The following NRXN1 variants were observed in gnomAD, a reference collection of about 807,000 sequenced individuals.
NRXN1 encodes neurexin-1.
In NRXN1, 39 loss-of-function variants were observed where a neutral mutation model predicts 150.9. That is an observed-to-expected ratio of 0.26 (90% CI 0.20 to 0.34). NRXN1 has a LOEUF of 0.34. Among genes scored for constraint, NRXN1 ranks in the 10% least tolerant of loss-of-function variants. The pLI is 1.00. For synonymous variants in NRXN1, 924 were observed against 757.0 expected (o/e 1.22, Z -3.62); for missense variants, 1,815 against 1,949.9 (o/e 0.93, Z 1.30).
At chr2:50,183,563 G>T (rs1370975559) in intron 18 of NRXN1, among the ~76,000 whole-genome samples, 1 of 151,364 alleles carries the variant, frequency 6.6e-6, no homozygotes, top group Non-Finnish European at 1.5e-5. Flanking sequence ...GGATTTTGTT[G>T]TTCTTGCTGA....
intron 5 of NRXN1, among the ~76,000 whole-genome samples, chr2:50,827,649 A>G (rs1440816448): frequency 6.6e-6 from 1 of 152,090 alleles, no homozygotes; most frequent in African/African-American, 2.4e-5. Flanking sequence ...GATGTTTCTC[A>G]CAGAGGGGGA....
At chr2:50,954,371 T>C (rs749915690) in intron 2 of NRXN1, among the ~76,000 whole-genome samples, 3 of 152,202 alleles carry the variant, frequency 2.0e-5, no homozygotes, top group Non-Finnish European at 4.4e-5. Flanking sequence ...GCTCTCTACA[T>C]ATTGCTGTCA....
intron 2 of NRXN1, among the ~76,000 whole-genome samples, chr2:51,021,337 G>A (rs567102881): frequency 2.8e-4 from 42 of 152,038 alleles, no homozygotes; most frequent in African/African-American, 9.6e-4. Context: ...TCTGCAACCA[G>A]TGTAGCTGAG....
intron 5 of NRXN1, among the ~76,000 whole-genome samples, chr2:50,798,908 T>C (rs577312613): frequency 6.6e-6 from 1 of 152,166 alleles, no homozygotes; most frequent in Non-Finnish European, 1.5e-5. Flanking sequence ...ACTTGAGTTA[T>C]TGGCAGCAAT....
intron 21 of NRXN1, among the ~76,000 whole-genome samples, chr2:50,005,368 T>G (rs556940965): frequency 1.3e-5 from 2 of 152,272 alleles, no homozygotes; most frequent in East Asian, 3.9e-4. Context: ...TGATTCTTAT[T>G]ACTTGAGAGG....
intron 8 of NRXN1, among the ~76,000 whole-genome samples, chr2:50,591,104 G>A (rs770118027): frequency 2.6e-5 from 4 of 152,104 alleles, no homozygotes; most frequent in Non-Finnish European, 5.9e-5. Flanking sequence ...CACTCCAGGG[G>A]TTCAACTAAC....
chr2:50,627,611 CACAG>C (rs1681386604), intron 5 of NRXN1, among the ~76,000 whole-genome samples: 1 of 98,078 alleles, frequency 1.0e-5, no homozygotes, highest in African/African-American at 4.2e-5. Flanking sequence ...TTTTGTCAGA[CACAG>C]ACACACACAC....
chr2:50,156,192 AAC>A (rs1457935900), intron 18 of NRXN1, among the ~76,000 whole-genome samples: 1 of 151,882 alleles, frequency 6.6e-6, no homozygotes, highest in Non-Finnish European at 1.5e-5. Context: ...TAAAAAAATT[AAC>A]AGTCATATAA....
At chr2:50,645,380 A>T (rs1362052468) in intron 5 of NRXN1, among the ~76,000 whole-genome samples, 1 of 151,974 alleles carries the variant, frequency 6.6e-6, no homozygotes, top group African/African-American at 2.4e-5. Context: ...TATAAATAAG[A>T]ATGCTACCTC....
intron 17 of NRXN1, among the ~76,000 whole-genome samples, chr2:50,418,197 G>A (rs2083695849): frequency 6.6e-6 from 1 of 151,954 alleles, no homozygotes; most frequent in African/African-American, 2.4e-5. Context: ...TTCCTTCTTG[G>A]TTCACTGAGC....
chr2:50,842,774 T>TA (rs779292693), intron 5 of NRXN1, among the ~76,000 whole-genome samples: 17 of 152,282 alleles, frequency 1.1e-4, no homozygotes, highest in Non-Finnish European at 1.8e-4. Context: ...ACATTGGTAT[T>TA]AGCAAGACCA....
intron 12 of NRXN1, among the ~76,000 whole-genome samples, chr2:50,508,842 G>C (rs1388727810): frequency 6.6e-6 from 1 of 152,118 alleles, no homozygotes; most frequent in Non-Finnish European, 1.5e-5. Flanking sequence ...TATTAAAATT[G>C]TGAACAGATT....
chr2:50,761,754 G>T (rs963155108), intron 5 of NRXN1, among the ~76,000 whole-genome samples: 1 of 151,752 alleles, frequency 6.6e-6, no homozygotes, highest in African/African-American at 2.4e-5. Flanking sequence ...AATCTGGAAG[G>T]GTACCATCCA....
intron 5 of NRXN1, among the ~76,000 whole-genome samples, chr2:50,738,231 T>C (rs577288019): frequency 1.3e-5 from 2 of 152,328 alleles, no homozygotes; most frequent in South Asian, 4.1e-4. Flanking sequence ...ATATTAGTGA[T>C]ACACTGGGCA....
chr2:50,235,394 A>T (rs916546513), intron 18 of NRXN1, among the ~76,000 whole-genome samples: 1 of 152,060 alleles, frequency 6.6e-6, no homozygotes, highest in African/African-American at 2.4e-5. Context: ...TACATTTTAA[A>T]TTGAAATTTT....
chr2:50,343,028 T>C (rs977560951), intron 17 of NRXN1, among the ~76,000 whole-genome samples: 1 of 152,248 alleles, frequency 6.6e-6, no homozygotes, highest in South Asian at 2.1e-4. Flanking sequence ...ATTATCCTTA[T>C]ATAACACCAT....
chr2:50,134,898 TC>T (rs1706157360), intron 18 of NRXN1, among the ~76,000 whole-genome samples: 1 of 152,142 alleles, frequency 6.6e-6, no homozygotes, highest in Non-Finnish European at 1.5e-5. Flanking sequence ...TGCTTAAAAC[TC>T]CAGCAGAGAT....
intron 21 of NRXN1, among the ~76,000 whole-genome samples, chr2:49,989,716 T>C (rs1337367083): frequency 1.3e-5 from 2 of 152,134 alleles, no homozygotes; most frequent in Non-Finnish European, 2.9e-5. Flanking sequence ...AATTCTAGGA[T>C]TGGATAGCTC....
intron 9 of NRXN1, among the ~76,000 whole-genome samples, chr2:50,550,441 T>A (rs1231739718): frequency 6.6e-6 from 1 of 152,072 alleles, no homozygotes; most frequent in Admixed American, 6.6e-5. Flanking sequence ...TTTTCAAAAT[T>A]TTATTCTAGA....
Sources: gnomAD v4.1 joint callset for allele counts (sites outside exome capture counted in the v4.1 genomes callset) on GRCh38, gnomAD v4.1.1 for gene constraint, MANE v1.5 for transcripts, NCBI Gene and HGNC (gene_info 2026-07-23, HGNC 2026-07-21) for gene names.